The following CD36 variants were observed in gnomAD, a reference collection of about 807,000 sequenced individuals.
CD36 encodes platelet glycoprotein 4.
CD36 carries 119 observed loss-of-function variants against 55.2 expected under a neutral mutation model. The ratio of observed to expected loss-of-function variants is 2.15; its 90% CI spans 1.86 to 2.51. CD36 has a LOEUF of 2.51. Among genes scored for constraint, CD36 ranks in the 30% most tolerant of loss-of-function variants. The pLI is 0.00. For synonymous variants in CD36, 186 were observed against 193.6 expected (o/e 0.96, Z 0.33); for missense variants, 819 against 555.5 (o/e 1.47, Z -4.77).
At chr7:80,616,050 T>C (rs997286684) in intron 1 of CD36, among the ~76,000 whole-genome samples, 1 of 152,190 alleles carries the variant, frequency 6.6e-6, no homozygotes, top group Non-Finnish European at 1.5e-5. Flanking sequence ...ATAGGAGATC[T>C]TGTTGTATTT....
intron 9 of CD36, chr7:80,670,241 T>A: frequency 1.8e-6 from 1 of 547,162 alleles, no homozygotes; most frequent in Non-Finnish European, 3.3e-6. Flanking sequence ...AAAACTAAAC[T>A]AGTAGTCTAT....
Position 80,661,098 on chromosome 7 carries a change from A to G in CD36, c.317A>G (p.Asp106Gly). Residue 106 changes from aspartate (D) to glycine (G), a missense_variant, in exon 5 of 15, where the codon GAC becomes GGC. By Grantham distance (94) the Asp-to-Gly change is moderately conservative. Coordinates refer to ENST00000447544, the MANE Select transcript of CD36 (RefSeq NM_001001548.3). ...RFLAKENVTQ[D>G]AEDNTVSFLQ... ...CTAGCCAAGGAAAATGTAACCCAGG[A>G]CGCTGAGGACAACACAGTCTCTTTC... is the stretch of plus-strand genomic sequence containing the variant. The G allele has an allele frequency of 1.2e-6, 2 of 1,613,944 alleles. No individual in the cohort carries two copies. The highest frequency in any genetic ancestry group is 2.2e-5 in the East Asian group (1 of 44,856).
chr7:80,640,269 C>CT (rs141239109), intron 1 of CD36, among the ~76,000 whole-genome samples: 336 of 152,000 alleles, frequency 2.2e-3, no homozygotes, highest in African/African-American at 7.9e-3. Context: ...TCATTATAAT[C>CT]TAACTATTTT....
At chr7:80,643,726 C>G (rs1794964242) in intron 1 of CD36, among the ~76,000 whole-genome samples, 1 of 152,168 alleles carries the variant, frequency 6.6e-6, no homozygotes, top group Admixed American at 6.5e-5. Flanking sequence ...TTAAAAAATG[C>G]TGATCTCATT....
intron 3 of CD36, among the ~76,000 whole-genome samples, chr7:80,648,990 C>T (rs919836430): frequency 6.6e-6 from 1 of 151,998 alleles, no homozygotes; most frequent in Non-Finnish European, 1.5e-5. Context: ...AGGAAGCAAG[C>T]TTAGAACATC....
At chr7:80,633,921 A>G (rs1025510592), upstream of CD36, among the ~76,000 whole-genome samples, 21 of 150,306 alleles carry the variant, frequency 1.4e-4, no homozygotes, top group South Asian at 1.0e-3. Flanking sequence ...TGCCACCTAC[A>G]TATGTTCACT....
chr7:80,670,422 TA>T (rs1797551579), intron 9 of CD36: 1 of 256,042 alleles, frequency 3.9e-6, no homozygotes, highest in African/African-American at 2.3e-5. Context: ...GCTCTGTCCC[TA>T]AAGACTGTAT....
intron 7 of CD36, 194 bp from the exon 8 acceptor site, chr7:80,666,249 T>A (rs1182943348): frequency 1.4e-5 from 7 of 513,644 alleles, no homozygotes; most frequent in African/African-American, 1.4e-4. Flanking sequence ...GGCTACCTAA[T>A]GGCATCAGGT....
rs75625647 is a variant in CD36, at chr7:80,650,524, G to C, written c.120+3664G>C. 3.3e-5 allele frequency among the ~76,000 whole-genome samples: 5 copies of C among 152,072 alleles called. No homozygotes were observed. In the East Asian group the frequency reaches 9.7e-4, roughly 29 times the overall value. Reference sequence around the variant, plus strand: ...AGTAATGCTATTTCACAAACATATGGGTTTTGGTACTGTTGACTTCTTATT... The same window carrying C: ...AGTAATGCTATTTCACAAACATATGCGTTTTGGTACTGTTGACTTCTTATT... On this transcript the variant is annotated intron_variant, in intron 3 of 14. Coordinates refer to ENST00000447544, the MANE Select transcript of CD36 (RefSeq NM_001001548.3).
intron 1 of CD36, among the ~76,000 whole-genome samples, chr7:80,627,579 G>A (rs1793814042): frequency 6.6e-6 from 1 of 151,812 alleles, no homozygotes; most frequent in African/African-American, 2.4e-5. Flanking sequence ...ATGTGTGTTA[G>A]CCTTTAAGGA....
chr7:80,639,570 T>C (rs562344004), intron 1 of CD36, among the ~76,000 whole-genome samples: 105 of 152,080 alleles, frequency 6.9e-4, no homozygotes, highest in African/African-American at 2.5e-3. Context: ...TAACTGTAAA[T>C]GGCATAAATT....
intron 1 of CD36, among the ~76,000 whole-genome samples, chr7:80,622,416 A>T (rs1256335666): frequency 2.6e-5 from 4 of 152,268 alleles, no homozygotes; most frequent in African/African-American, 9.6e-5. Context: ...ACAAAGAAGA[A>T]TAATGGCATC....
intron 3 of CD36, among the ~76,000 whole-genome samples, chr7:80,654,880 G>GAA (rs67640111): frequency 3.5e-5 from 5 of 142,964 alleles, no homozygotes; most frequent in Non-Finnish European, 7.6e-5. Context: ...GAGGGTGACG[G>GAA]AAAAAAAAAA....
intron 14 of CD36, chr7:80,676,151 C>A (rs890170984): frequency 6.6e-6 from 1 of 152,138 alleles, no homozygotes; most frequent in Non-Finnish European, 1.5e-5. Context: ...TACATCATGA[C>A]CCTTGGTAAT....
At chr7:80,619,654 A>AT (rs1491090938) in intron 1 of CD36, among the ~76,000 whole-genome samples, 1 of 2,488 alleles carries the variant, frequency 4.0e-4, no homozygotes, top group Non-Finnish European at 3.4e-3. Flanking sequence ...CTCAAAACAG[A>AT]AAAAAAAAAA....
chr7:80,644,241 C>G (rs1794999630), intron 1 of CD36, among the ~76,000 whole-genome samples: 1 of 152,136 alleles, frequency 6.6e-6, no homozygotes, highest in Admixed American at 6.6e-5. Flanking sequence ...GCTATTGTTA[C>G]CACTCCACCC....
At chr7:80,670,653 C>A in intron 9 of CD36, 1 of 323,200 alleles carries the variant, frequency 3.1e-6, no homozygotes, top group Non-Finnish European at 5.8e-6. Flanking sequence ...TTAATTAAGC[C>A]GTGAAAGAAA....
intron 10 of CD36, 141 bp from the exon 11 acceptor site, chr7:80,671,781 T>C: frequency 1.4e-6 from 1 of 703,216 alleles, no homozygotes; most frequent in South Asian, 1.7e-5. Context: ...AGAAATCAAC[T>C]GACATAATTC....
Position 80,672,048 on chromosome 7 carries a change from A to C in CD36, c.1125+8A>C. 1 of 1,599,160 alleles carries C rather than the reference A, an allele frequency of 6.3e-7. No homozygotes were observed. Among genetic ancestry groups the C allele is most frequent in the Non-Finnish European group, 8.6e-7 (1 of 1,168,446 alleles). Reference sequence around the variant, plus strand: ...TACTTGGATATTGAACCTGTAAGAAAACACCTTATTGATCTGATTTGGTTG... The same window carrying C: ...TACTTGGATATTGAACCTGTAAGAACACACCTTATTGATCTGATTTGGTTG... On this transcript the variant is annotated splice_region_variant and intron_variant, in intron 11 of 14. Coordinates refer to ENST00000447544, the MANE Select transcript of CD36 (RefSeq NM_001001548.3).
Sources: gnomAD v4.1 joint callset for allele counts (sites outside exome capture counted in the v4.1 genomes callset) on GRCh38, gnomAD v4.1.1 for gene constraint, MANE v1.5 for transcripts, NCBI Gene and HGNC (gene_info 2026-07-23, HGNC 2026-07-21) for gene names.